The following RAPGEF2 variants were observed in gnomAD, a reference collection of about 807,000 sequenced individuals.
The protein encoded by RAPGEF2 is Rap guanine nucleotide exchange factor 2, also known as PDZ domain containing guanine nucleotide exchange factor (GEF) 1.
Under a neutral mutation model 186.7 loss-of-function variants are expected in RAPGEF2, and 54 were observed. The ratio of observed to expected loss-of-function variants is 0.29; its 90% CI spans 0.23 to 0.36. The LOEUF is 0.36. RAPGEF2 is among the 10% of genes least tolerant of loss of function. The pLI, the probability that RAPGEF2 is intolerant of heterozygous loss-of-function variation, is 1.00. For missense variants in RAPGEF2, 1,532 were observed against 2,045.0 expected (o/e 0.75, Z 4.84); for synonymous variants, 712 against 705.9 (o/e 1.01, Z -0.14).
chr4:159,233,348 G>A (rs1357805190), intron 4 of RAPGEF2, among the ~76,000 whole-genome samples: 5 of 152,072 alleles, frequency 3.3e-5, no homozygotes, highest in African/African-American at 1.2e-4. Flanking sequence ...TGCGGTAGGG[G>A]TCCAATTTCA....
chr4:159,314,737 G>A lies in RAPGEF2; in HGVS notation c.822G>A (p.Lys274=). The stretch of plus-strand genomic sequence containing the variant: ...ACATTGTGAGAGACTGCCTAGAGAA[G>A]GACCCAATTGACCGGACAGATGATG... ...SRDIVRDCLE[K]DPIDRTDDDI... Residue 274 remains lysine (K), a synonymous_variant, in exon 9 of 30, where the codon AAG becomes AAA. Transcript: ENST00000691494. 1.2e-6 allele frequency: 2 copies of A among 1,610,552 alleles called. No individual in the cohort carries two copies. The highest frequency in any genetic ancestry group is 1.7e-6 in the Non-Finnish European group (2 of 1,178,672).
At chr4:159,197,016 T>G (rs1748721584) in intron 3 of RAPGEF2, among the ~76,000 whole-genome samples, 1 of 152,260 alleles carries the variant, frequency 6.6e-6, no homozygotes, top group African/African-American at 2.4e-5. Flanking sequence ...AGGTAATTTC[T>G]GCCTTCCTTG....
At chr4:159,110,902 A>ATGTATT (rs1553993026) in intron 1 of RAPGEF2, among the ~76,000 whole-genome samples, 2 of 150,756 alleles carry the variant, frequency 1.3e-5, no homozygotes, top group Non-Finnish European at 3.0e-5. Flanking sequence ...GAGCTAGAAT[A>ATGTATT]TATATTTATG....
chr4:159,224,505 G>A (rs908527563), intron 4 of RAPGEF2, among the ~76,000 whole-genome samples: 1 of 152,202 alleles, frequency 6.6e-6, no homozygotes, highest in Non-Finnish European at 1.5e-5. Flanking sequence ...GCCCAAGGTA[G>A]AGATTTTCAA....
chr4:159,243,112 A>G (rs1754200873), intron 6 of RAPGEF2, among the ~76,000 whole-genome samples: 1 of 146,676 alleles, frequency 6.8e-6, no homozygotes, highest in African/African-American at 2.6e-5. Context: ...TATTGTTACA[A>G]GTTTTTTTTT....
intron 4 of RAPGEF2, among the ~76,000 whole-genome samples, chr4:159,217,960 T>A (rs1010449403): frequency 1.3e-5 from 2 of 152,354 alleles, no homozygotes; most frequent in Non-Finnish European, 1.5e-5. Flanking sequence ...GAAGACAAAT[T>A]TAAGTGTTTC....
chr4:159,326,269 G>A (rs1765909220), intron 11 of RAPGEF2, among the ~76,000 whole-genome samples: 1 of 152,068 alleles, frequency 6.6e-6, no homozygotes, highest in African/African-American at 2.4e-5. Flanking sequence ...CTCCTTGTTG[G>A]GAGAAGTAAA....
intron 7 of RAPGEF2, among the ~76,000 whole-genome samples, chr4:159,285,932 GA>G (rs1398141457): frequency 6.6e-6 from 1 of 152,032 alleles, no homozygotes; most frequent in Non-Finnish European, 1.5e-5. Context: ...TAAAAATTAA[GA>G]CTCTATATTT....
intron 3 of RAPGEF2, among the ~76,000 whole-genome samples, chr4:159,208,920 T>C (rs1750229108): frequency 6.6e-6 from 1 of 151,870 alleles, no homozygotes; most frequent in African/African-American, 2.4e-5. Flanking sequence ...ACAGAGTCTC[T>C]CGCCATGGCA....
Position 159,339,223 on chromosome 4 carries a change from G to T in RAPGEF2, c.2403G>T (p.Glu801Asp). The T allele has an allele frequency of 6.2e-7, 1 of 1,614,136 alleles. No homozygotes were observed. Among genetic ancestry groups the T allele is most frequent in the Non-Finnish European group, 8.5e-7 (1 of 1,180,002 alleles). Reference sequence around the variant, plus strand: ...AAGTGGTCATTCAGGCTATCAGGGAGTTTGCTGTTACTGCCACCCCGGATC... The same window carrying T: ...AAGTGGTCATTCAGGCTATCAGGGATTTTGCTGTTACTGCCACCCCGGATC... ...AKEVVIQAIR[E>D]FAVTATPDQY... The change falls in exon 19 of 30, where the codon GAG becomes GAT. Residue 801 changes from glutamate (E) to aspartate (D), a missense_variant. Glu to Asp is a conservative substitution (Grantham distance 45). Coordinates refer to ENST00000691494, the MANE Select transcript of RAPGEF2 (RefSeq NM_001394067.2).
At chr4:159,327,931 C>CT (rs1766161827) in intron 11 of RAPGEF2, 1 of 151,442 alleles carries the variant, frequency 6.6e-6, no homozygotes, top group Middle Eastern at 3.4e-3. Context: ...TGTCTAGACA[C>CT]TAAGAATTTC....
chr4:159,284,481 GAC>G (rs36232973), intron 7 of RAPGEF2, among the ~76,000 whole-genome samples: 4,336 of 140,144 alleles, frequency 0.031, 69 homozygotes, highest in East Asian at 0.059. Context: ...CCGCCATGGA[GAC>G]ACACACACAC....
At chr4:159,212,073 G>C (rs1227849989) in intron 4 of RAPGEF2, among the ~76,000 whole-genome samples, 2 of 152,120 alleles carry the variant, frequency 1.3e-5, no homozygotes, top group African/African-American at 4.8e-5. Context: ...AGTGGGTACA[G>C]TTATTACCTG....
In RAPGEF2 at chr4:159,353,566, T is replaced by G; in HGVS notation, c.4171T>G (p.Ser1391Ala). 1.3e-6 allele frequency: 2 copies of G among 1,571,348 alleles called. No homozygotes were observed. Among genetic ancestry groups the G allele is most frequent in the Non-Finnish European group, 1.7e-6 (2 of 1,163,178 alleles). Residue 1391 changes from serine (S) to alanine (A), a missense_variant, in exon 28 of 30, where the codon TCC (serine) becomes GCC (alanine). Transcript: ENST00000691494. The surrounding 1 kb of genome is among the most constrained non-coding windows in gnomAD (Gnocchi z 4.3). ...VISSPSTEEL[S>A]QDQGDRASLD... ...TTCTTCTCCAAGCACAGAGGAACTT[T>G]CCCAGGATCAGGGGGATCGCGCGTC...
chr4:159,273,950 C>T lies in RAPGEF2; in HGVS notation c.543+30159C>T, dbSNP rs572318577. ...GGGATTACAGGTGCGTGCCACCACG[C>T]CCAGCTAATTTTTGTATTTTTAGTA... On this transcript the variant is annotated intron_variant, in intron 7 of 29. Transcript: ENST00000691494. Among the ~76,000 whole-genome samples the T allele has an allele frequency of 5.8e-3, 885 of 152,188 alleles. 5 individuals are homozygous for T. The highest frequency in any genetic ancestry group is 1.0e-2 in the Non-Finnish European group (678 of 67,998).
At chr4:159,108,629 T>TAA (rs1307002109) in intron 1 of RAPGEF2, among the ~76,000 whole-genome samples, 3 of 152,110 alleles carry the variant, frequency 2.0e-5, no homozygotes, top group Non-Finnish European at 4.4e-5. Context: ...GAAAAAAACT[T>TAA]ATTTGGGTAG....
chr4:159,300,540 T>A (rs139320585), intron 7 of RAPGEF2, among the ~76,000 whole-genome samples: 60 of 152,234 alleles, frequency 3.9e-4, no homozygotes, highest in African/African-American at 1.3e-3. Context: ...TACATTGGTA[T>A]TAAAAATACA....
In RAPGEF2 at chr4:159,261,479, A is replaced by G. The variant is rs80337315; in HGVS notation, c.543+17688A>G. On this transcript the variant is annotated intron_variant, in intron 7 of 29. Transcript: ENST00000691494. ...ATGGTTAGCTGTAATCTGCCTCTCCATAATTTTAGTTCATGTTTCTAGGTC... is the reference window on the plus strand; with the variant it reads ...ATGGTTAGCTGTAATCTGCCTCTCCGTAATTTTAGTTCATGTTTCTAGGTC... Among the ~76,000 whole-genome samples the G allele has an allele frequency of 3.1e-3, 466 of 152,348 alleles. 6 individuals are homozygous for G. Among genetic ancestry groups the G allele is most frequent in the African/African-American group, 0.011 (449 of 41,580 alleles).
At chr4:159,104,489 CGAGAGAGAGAGAGAGAGAGA>C (rs553251268) in intron 1 of RAPGEF2, among the ~76,000 whole-genome samples, 24 of 88,766 alleles carry the variant, frequency 2.7e-4, no homozygotes, top group Admixed American at 1.0e-3. Flanking sequence ...GTTGCCCAGC[CGAGAGAGAGAGAGAGAGAGA>C]GAGAGAGAGA....
Sources: gnomAD v4.1 joint callset for allele counts (sites outside exome capture counted in the v4.1 genomes callset) on GRCh38, gnomAD v4.1.1 for gene constraint, Gnocchi (gnomAD v3.1) non-coding constraint, MANE v1.5 for transcripts, NCBI Gene and HGNC (gene_info 2026-07-23, HGNC 2026-07-21) for gene names.